Variants in TEK observed in about 807,000 individuals in gnomAD.
TEK encodes angiopoietin-1 receptor.
TEK carries 43 observed loss-of-function variants against 131.8 expected under a neutral mutation model. That is an observed-to-expected ratio of 0.33 (90% confidence interval 0.26 to 0.42). TEK has a LOEUF of 0.42. TEK is among the 10% of genes least tolerant of loss of function. The pLI, the probability that TEK is intolerant of heterozygous loss-of-function variation, is 1.00. For missense variants in TEK, 1,162 were observed against 1,384.4 expected (o/e 0.84, Z 2.55); for synonymous variants, 580 against 491.6 (o/e 1.18, Z -2.38).
chr9:27,215,123 A>G (rs774726931), intron 18 of TEK, among the ~76,000 whole-genome samples: 1 of 152,046 alleles, frequency 6.6e-6, no homozygotes, highest in South Asian at 2.1e-4. Flanking sequence ...TACCCATTCT[A>G]TTTGGATGCT....
intron 7 of TEK, among the ~76,000 whole-genome samples, chr9:27,181,504 C>T (rs193137270): frequency 9.2e-5 from 14 of 152,256 alleles, no homozygotes; most frequent in Admixed American, 3.9e-4. Context: ...TATAATACGT[C>T]GTCATTTGTG....
chr9:27,229,062 G>C lies in TEK; in HGVS notation c.3301-96G>C, dbSNP rs139383348. 26 of 1,041,488 alleles carry C rather than the reference G, an allele frequency of 2.5e-5. No individual in the cohort carries two copies. In the African/African-American group the frequency reaches 4.1e-4, roughly 16 times the overall value. The allele number at this position is 1,041,488 out of a possible 1,614,324, so 64.5% of individuals were successfully genotyped here. On this transcript the variant is annotated intron_variant, in intron 22 of 22. Coordinates refer to ENST00000380036, the MANE Select transcript of TEK (RefSeq NM_000459.5). ...CCCCCAAGTGCTTAGTATATGAGTT[G>C]CAACAAACTAAGAAAACCAAGGTAT...
chr9:27,197,341 C>G lies in TEK; in HGVS notation c.1651C>G (p.Leu551Val). ...IGLPPPRGLN[L>V]LPKSQTTLNL... ...ACTCCCTCCTCCAAGAGGTCTAAATCTCCTGCCTAAAAGTCAGACCACTCT... is the reference window on the plus strand; with the variant it reads ...ACTCCCTCCTCCAAGAGGTCTAAATGTCCTGCCTAAAAGTCAGACCACTCT... The change falls in exon 12 of 23, where the codon CTC (leucine) becomes GTC (valine). Residue 551 changes from leucine to valine, a missense_variant. Physicochemically the swap from Leu to Val is conservative, Grantham distance 32. Around this residue, in one of 6 missense-constraint regions of TEK, gnomAD observed 477 missense variants for 471.0 expected, o/e 1.01. Coordinates refer to ENST00000380036, the MANE Select transcript of TEK (RefSeq NM_000459.5). 1 of 1,614,100 alleles carries G rather than the reference C, an allele frequency of 6.2e-7. No homozygotes were observed. Among genetic ancestry groups the G allele is most frequent in the Non-Finnish European group, 8.5e-7 (1 of 1,179,996 alleles).
intron 16 of TEK, 40 bp from the exon 17 acceptor site, chr9:27,212,667 A>G: frequency 6.2e-7 from 1 of 1,606,840 alleles, no homozygotes; most frequent in African/African-American, 1.3e-5. Context: ...ATAGCTGTTC[A>G]GGGCCACTGA....
rs1564099624 is a variant in TEK, at chr9:27,209,222, G to A, written c.2677G>A (p.Glu893Lys). Residue 893 changes from glutamate (E) to lysine (K), a missense_variant, in exon 16 of 23, where the codon GAA becomes AAA. Physicochemically the swap from Glu to Lys is moderately conservative, Grantham distance 56. Around this residue, in one of 6 missense-constraint regions of TEK, gnomAD observed 57 missense variants for 100.8 expected, o/e 0.57. Coordinates refer to ENST00000380036, the MANE Select transcript of TEK (RefSeq NM_000459.5). ...PNIINLLGAC[E>K]HRGYLYLAIE... ...CATCATCAATCTCTTAGGAGCATGT[G>A]AACATCGAGGTAAGATGCTCTTTTC... 2.5e-6 allele frequency: 4 copies of A among 1,610,976 alleles called. No homozygotes were observed. Among genetic ancestry groups the A allele is most frequent in the Non-Finnish European group, 1.7e-6 (2 of 1,177,210 alleles).
chr9:27,116,348 G>A (rs752676502), intron 1 of TEK, among the ~76,000 whole-genome samples: 1 of 152,146 alleles, frequency 6.6e-6, no homozygotes, highest in Non-Finnish European at 1.5e-5. Flanking sequence ...GAGTGCAGTG[G>A]CACGATCTTG....
intron 1 of TEK, among the ~76,000 whole-genome samples, chr9:27,111,440 C>T (rs1052633973): frequency 3.3e-5 from 5 of 151,834 alleles, no homozygotes; most frequent in African/African-American, 1.2e-4. Flanking sequence ...TCCTGGTAGA[C>T]TAAAGCAGTG....
intron 1 of TEK, among the ~76,000 whole-genome samples, chr9:27,122,922 A>G (rs866060914): frequency 1.3e-5 from 2 of 151,904 alleles, no homozygotes; most frequent in Non-Finnish European, 2.9e-5. Context: ...GCGTGGTGGC[A>G]TATGCCTGTA....
intron 1 of TEK, among the ~76,000 whole-genome samples, chr9:27,118,638 A>T (rs1055987701): frequency 1.6e-4 from 25 of 152,162 alleles, no homozygotes; most frequent in African/African-American, 5.8e-4. Context: ...TCATCTTAAC[A>T]ACAACAAACC....
chr9:27,225,986 A>G (rs1826308779), intron 21 of TEK, among the ~76,000 whole-genome samples: 1 of 152,250 alleles, frequency 6.6e-6, no homozygotes. Flanking sequence ...AAAAAAGCTC[A>G]TCATCACTGG....
chr9:27,173,333 C>T lies in TEK; in HGVS notation c.872C>T (p.Thr291Ile). Residue 291 changes from threonine (T) to isoleucine (I), a missense_variant, in exon 6 of 23, where the codon ACA (threonine) becomes ATA (isoleucine). Transcript: ENST00000380036. Reference protein sequence around the residue: ...LPDPYGCSCATGWKGLQCNEA... With the variant: ...LPDPYGCSCAIGWKGLQCNEA... ...GACCCCTATGGGTGTTCCTGTGCCA[C>T]AGGCTGGAAGGGTCTGCAGTGCAAT... The T allele has an allele frequency of 6.2e-7, 1 of 1,614,010 alleles. No homozygotes were observed. The highest frequency in any genetic ancestry group is 8.5e-7 in the Non-Finnish European group (1 of 1,179,924).
At chr9:27,216,538 A>G (rs1305943032) in intron 18 of TEK, among the ~76,000 whole-genome samples, 1 of 152,140 alleles carries the variant, frequency 6.6e-6, no homozygotes, top group African/African-American at 2.4e-5. Context: ...ACAGAGAGTG[A>G]AGGGAGGAGG....
intron 16 of TEK, 31 bp from the exon 17 acceptor site, chr9:27,212,676 G>T: frequency 6.2e-7 from 1 of 1,612,440 alleles, no homozygotes; most frequent in Non-Finnish European, 8.5e-7. Context: ...CAGGGCCACT[G>T]ATGAGTCGAT....
chr9:27,169,434 G>A (rs1183592973), intron 3 of TEK, 43 bp from the exon 4 acceptor site: 4 of 1,609,090 alleles, frequency 2.5e-6, no homozygotes, highest in Non-Finnish European at 2.5e-6. Context: ...AAGCAGGTAT[G>A]TTTCAGTGTG....
intron 21 of TEK, among the ~76,000 whole-genome samples, chr9:27,223,055 GC>G (rs2131254555): frequency 6.6e-6 from 1 of 152,220 alleles, no homozygotes; most frequent in Admixed American, 6.5e-5. Context: ...AGGGATCAAT[GC>G]ACCAAGAACA....
At chr9:27,220,714 A>C (rs1826029723) in intron 21 of TEK, among the ~76,000 whole-genome samples, 1 of 152,218 alleles carries the variant, frequency 6.6e-6, no homozygotes, top group Non-Finnish European at 1.5e-5. Context: ...CTAGCGAAGG[A>C]GGGACGGTGC....
intron 6 of TEK, among the ~76,000 whole-genome samples, chr9:27,175,116 T>G (rs1369752406): frequency 7.6e-6 from 1 of 131,762 alleles, no homozygotes; most frequent in East Asian, 2.1e-4. Context: ...TAGGTATATC[T>G]CCTAATGCTA....
chr9:27,167,306 C>A (rs1437670851), intron 2 of TEK, among the ~76,000 whole-genome samples: 1 of 152,108 alleles, frequency 6.6e-6, no homozygotes, highest in Admixed American at 6.6e-5. Context: ...TGGCTCACTG[C>A]AATCTCCGCC....
intron 1 of TEK, among the ~76,000 whole-genome samples, chr9:27,146,951 G>C (rs920326678): frequency 6.6e-6 from 1 of 152,078 alleles, no homozygotes; most frequent in Non-Finnish European, 1.5e-5. Context: ...GGATGGTCTT[G>C]ATCTCCTGAC....
Sources: gnomAD v4.1 joint callset for allele counts (sites outside exome capture counted in the v4.1 genomes callset) on GRCh38, gnomAD v4.1.1 for gene constraint, gnomAD v4.1.1 regional missense constraint, MANE v1.5 for transcripts, NCBI Gene and HGNC (gene_info 2026-07-23, HGNC 2026-07-21) for gene names.